ZNF541: variants seen among roughly 807,000 people sequenced by gnomAD.
ZNF541 encodes zinc finger protein 541.
In ZNF541, 23 loss-of-function variants were observed where a neutral mutation model predicts 123.5. The ratio of observed to expected loss-of-function variants is 0.19; its 90% CI spans 0.13 to 0.26. The LOEUF (loss-of-function observed/expected upper bound fraction) is 0.26. ZNF541 is among the 10% of genes least tolerant of loss of function. ZNF541 has a pLI of 1.00. For missense variants in ZNF541, 1,612 were observed against 1,789.9 expected, an observed-to-expected ratio of 0.90 and a Z score of 1.79; for synonymous variants, 751 against 754.5, an observed-to-expected ratio of 1.00 and a Z score of 0.08.
Position 47,535,826 on chromosome 19 carries a change from G to A in ZNF541, c.3094+2316C>T, listed in dbSNP as rs144479376. Among the ~76,000 whole-genome samples, 24 of 151,956 alleles carry A rather than the reference G, an allele frequency of 1.6e-4. No individual in the cohort carries two copies. In the East Asian group the frequency reaches 2.7e-3, roughly 17 times the overall value. ...CAACCTCCGCTGCCGAGACCAGCTC[G>A]GTCGGGGAGACCCTAACCCAGCGGC... On this transcript the variant is annotated intron_variant, in intron 9 of 16. Coordinates refer to ENST00000391901, the MANE Select transcript of ZNF541 (RefSeq NM_001277075.3).
intron 14 of ZNF541, among the ~76,000 whole-genome samples, chr19:47,527,694 C>T (rs143910074): frequency 0.013 from 1,978 of 151,944 alleles, 31 homozygotes; most frequent in Middle Eastern, 0.024. Flanking sequence ...CTGCGCCTGA[C>T]CTCATCCTTT....
chr19:47,562,227 C>A (rs572997202), intron 2 of ZNF541, among the ~76,000 whole-genome samples: 92 of 139,994 alleles, frequency 6.6e-4, no homozygotes, highest in African/African-American at 2.4e-3. Context: ...CCAGCCTGGG[C>A]GACAGAGACT....
chr19:47,527,158 T>C (rs1969336911), intron 14 of ZNF541, among the ~76,000 whole-genome samples: 2 of 152,182 alleles, frequency 1.3e-5, no homozygotes, highest in African/African-American at 4.8e-5. Context: ...GGCAGATCAG[T>C]GCTGACTGAG....
At chr19:47,570,157 C>A (rs1348849253) in intron 2 of ZNF541, among the ~76,000 whole-genome samples, 2 of 151,754 alleles carry the variant, frequency 1.3e-5, no homozygotes, top group African/African-American at 4.8e-5. Context: ...GCCTGTTGTC[C>A]CAGCTACTCG....
rs775953990 is a variant in ZNF541, at chr19:47,538,177, T to C, written c.3059A>G (p.Gln1020Arg). The part of the protein sequence containing the change: ...YFNTLCSTST[Q>R]ASPDQLISSM... ...GCTGATGAGCTGGTCAGGGCTGGCCTGAGTGGACGTGGAACAGAGGGTGTT... is the reference window on the plus strand; with the variant it reads ...GCTGATGAGCTGGTCAGGGCTGGCCCGAGTGGACGTGGAACAGAGGGTGTT... The change falls in exon 9 of 17, where the codon CAG becomes CGG. Residue 1020 changes from glutamine (Q) to arginine (R), a missense_variant. Physicochemically the swap from Gln to Arg is conservative, Grantham distance 43 (BLOSUM62 1). Transcript: ENST00000391901. 6.4e-7 allele frequency: 1 copy of C among 1,551,200 alleles called. No homozygotes were observed. Among genetic ancestry groups the C allele is most frequent in the Admixed American group, 2.0e-5 (1 of 50,994 alleles).
Position 47,544,992 on chromosome 19 carries a change from A to C in ZNF541, c.1537T>G (p.Cys513Gly), listed in dbSNP as rs752671334. The change falls in exon 5 of 17, where the codon TGC becomes GGC. Residue 513 changes from cysteine to glycine, a missense_variant. Physicochemically the swap from Cys to Gly is radical, Grantham distance 159. This residue lies in a region of ZNF541 where 1,080 missense variants were observed against 1,013.8 expected (regional missense o/e 1.07). Transcript: ENST00000391901. Reference protein sequence around the residue: ...KVKVDCDSFLCQNPGEPGLQE... With the variant: ...KVKVDCDSFLGQNPGEPGLQE... ...AGGCCGGGCTCCCCGGGGTTCTGGC[A>C]CAGGAAGGAGTCGCAGTCGACCTTG... is the stretch of plus-strand genomic sequence containing the variant. 3.8e-5 allele frequency: 58 copies of C among 1,527,252 alleles called. No individual in the cohort carries two copies. Among genetic ancestry groups the C allele is most frequent in the South Asian group, 3.0e-4 (25 of 83,246 alleles). 94.6% of individuals were successfully genotyped at this position (1,527,252 alleles called of 1,614,324 possible).
intron 3 of ZNF541, 38 bp from the exon 4 acceptor site, chr19:47,549,523 A>T (rs1282821762): frequency 6.5e-7 from 1 of 1,548,334 alleles, no homozygotes; most frequent in Non-Finnish European, 8.7e-7. Flanking sequence ...TACACAGCCA[A>T]GGCAACCAAG....
intron 14 of ZNF541, among the ~76,000 whole-genome samples, chr19:47,523,673 A>G (rs547533917): frequency 3.3e-5 from 5 of 152,324 alleles, no homozygotes; most frequent in Non-Finnish European, 7.4e-5. Flanking sequence ...AGGGCAGTGA[A>G]CCCTGACAGG....
intron 2 of ZNF541, among the ~76,000 whole-genome samples, chr19:47,571,002 C>T (rs1473869459): frequency 2.0e-5 from 3 of 151,926 alleles, no homozygotes; most frequent in Admixed American, 1.3e-4. Context: ...AGAAAAAGTC[C>T]TGCATGTCCA....
intron 6 of ZNF541, among the ~76,000 whole-genome samples, chr19:47,540,677 T>G (rs898702826): frequency 6.6e-6 from 1 of 152,224 alleles, no homozygotes; most frequent in Admixed American, 6.5e-5. Context: ...TGACCTCAAA[T>G]GATCCCCCTG....
Position 47,545,659 on chromosome 19 carries a change from A to G in ZNF541, c.870T>C (p.Pro290=). ...CTGAAGCCCCCGCCGGGGCTGGGCC[A>G]GGAGAAGGGGTCTTCTGGTGGACGA... ...SSIVHQKTPS[P]GPAPAGASDS... is the part of the protein sequence containing the mutation. Residue 290 remains proline, a synonymous_variant, in exon 5 of 17, where the codon CCT becomes CCC. Transcript: ENST00000391901. This position sits in a 1 kb window ranked among gnomAD's most constrained non-coding sequence, Gnocchi z 7.5. The G allele has an allele frequency of 6.5e-7, 1 of 1,549,610 alleles. No individual in the cohort carries two copies. Among genetic ancestry groups the G allele is most frequent in the Non-Finnish European group, 8.7e-7 (1 of 1,146,754 alleles).
At chr19:47,562,559 C>G (rs1234191699) in intron 2 of ZNF541, among the ~76,000 whole-genome samples, 1 of 151,854 alleles carries the variant, frequency 6.6e-6, no homozygotes, top group Non-Finnish European at 1.5e-5. Flanking sequence ...AAACTAAAAA[C>G]AAAAAACAAA....
At chr19:47,523,600 C>T (rs942143506) in intron 14 of ZNF541, among the ~76,000 whole-genome samples, 1 of 152,156 alleles carries the variant, frequency 6.6e-6, no homozygotes, top group Non-Finnish European at 1.5e-5. Flanking sequence ...TCGTCCAAAA[C>T]AATGAAAACA....
chr19:47,564,102 C>A (rs1971171070), intron 2 of ZNF541, among the ~76,000 whole-genome samples: 2 of 152,200 alleles, frequency 1.3e-5, no homozygotes, highest in Non-Finnish European at 2.9e-5. Context: ...CGCTAATGGT[C>A]TTGCCCATTA....
intron 2 of ZNF541, among the ~76,000 whole-genome samples, chr19:47,570,357 C>G (rs2123444798): frequency 6.6e-6 from 1 of 151,110 alleles, no homozygotes; most frequent in Non-Finnish European, 1.5e-5. Context: ...GCAGGCAGAT[C>G]ACTGGAGGCC....
chr19:47,556,437 G>C (rs879610297), intron 2 of ZNF541, among the ~76,000 whole-genome samples: 6 of 152,140 alleles, frequency 3.9e-5, no homozygotes, highest in Admixed American at 2.6e-4. Flanking sequence ...TGAAGTACTT[G>C]ATTTTTTCTT....
chr19:47,537,761 A>G (rs956422181), intron 9 of ZNF541, among the ~76,000 whole-genome samples: 1 of 151,224 alleles, frequency 6.6e-6, no homozygotes, highest in Admixed American at 6.6e-5. Flanking sequence ...TGTAGTCCCA[A>G]CTATTTGGGA....
intron 12 of ZNF541, 113 bp from the exon 13 acceptor site, chr19:47,529,765 C>G: frequency 9.9e-7 from 1 of 1,010,088 alleles, no homozygotes; most frequent in East Asian, 2.6e-5. Flanking sequence ...CACTGCCTGT[C>G]CCAGGGCTAT....
chr19:47,564,641 C>A (rs899424732), intron 2 of ZNF541, among the ~76,000 whole-genome samples: 5 of 151,930 alleles, frequency 3.3e-5, no homozygotes, highest in Non-Finnish European at 5.9e-5. Flanking sequence ...TGGCCGTAAT[C>A]AAAAAATAAA....
Sources: gnomAD v4.1 joint callset for allele counts (sites outside exome capture counted in the v4.1 genomes callset) on GRCh38, gnomAD v4.1.1 for gene constraint, gnomAD v4.1.1 regional missense constraint, Gnocchi (gnomAD v3.1) non-coding constraint, MANE v1.5 for transcripts, NCBI Gene and HGNC (gene_info 2026-07-23, HGNC 2026-07-21) for gene names.